SHC4: variants seen among roughly 807,000 people sequenced by gnomAD.
SHC4 encodes SHC-transforming protein 4.
SHC4 carries 41 observed loss-of-function variants against 69.4 expected under a neutral mutation model. That is an observed-to-expected ratio of 0.59 (90% CI 0.46 to 0.77). The LOEUF (loss-of-function observed/expected upper bound fraction) is 0.77, where lower values mean the gene tolerates loss of function less well. SHC4 is among the 30% of genes least tolerant of loss of function. SHC4 has a pLI of 0.00. For missense variants in SHC4, 777 were observed against 783.8 expected, an observed-to-expected ratio of 0.99 and a Z score of 0.10; for synonymous variants, 318 against 299.3, an observed-to-expected ratio of 1.06 and a Z score of -0.64.
chr15:48,946,052 A>C (rs2141036885), intron 1 of SHC4: 1 of 152,326 alleles, frequency 6.6e-6, no homozygotes, highest in Admixed American at 6.5e-5. Context: ...TAAAGGGAGA[A>C]GCTTCAATTA....
At chr15:48,912,085 A>T (rs1446295846) in intron 2 of SHC4, among the ~76,000 whole-genome samples, 1 of 152,156 alleles carries the variant, frequency 6.6e-6, no homozygotes, top group East Asian at 1.9e-4. Flanking sequence ...TTTTGTGATT[A>T]ATTTCCCAGG....
intron 4 of SHC4, chr15:48,879,676 C>T (rs1179300519): frequency 1.8e-5 from 3 of 167,088 alleles, no homozygotes; most frequent in Admixed American, 1.3e-4. Context: ...ATTCTATCAA[C>T]TTTTAAAGGT....
chr15:48,926,954 C>T (rs1900864512), intron 1 of SHC4, among the ~76,000 whole-genome samples: 1 of 152,170 alleles, frequency 6.6e-6, no homozygotes, highest in Non-Finnish European at 1.5e-5. Context: ...GGATATTTTA[C>T]TCTGTCCCCA....
intron 1 of SHC4, among the ~76,000 whole-genome samples, chr15:48,956,004 A>G (rs1247732535): frequency 6.6e-6 from 1 of 152,196 alleles, no homozygotes; most frequent in Non-Finnish European, 1.5e-5. Flanking sequence ...TCTAGTGTCC[A>G]GGGGCATGAA....
intron 8 of SHC4, among the ~76,000 whole-genome samples, chr15:48,854,243 A>G (rs1448665198): frequency 6.6e-6 from 1 of 152,240 alleles, no homozygotes; most frequent in Non-Finnish European, 1.5e-5. Flanking sequence ...ATCATCAGAG[A>G]AGTGCAAATC....
rs1899340665 is a variant in SHC4, at chr15:48,857,362, T to C, written c.1070+330A>G. On this transcript the variant is annotated intron_variant, in intron 7 of 11. Transcript: ENST00000332408. Reference sequence around the variant, plus strand: ...GGGGTTGAAACAAATCTGAGAAGTTTATTGATGTTTATTATTTTGATTTCA... The same window carrying C: ...GGGGTTGAAACAAATCTGAGAAGTTCATTGATGTTTATTATTTTGATTTCA... Among the ~76,000 whole-genome samples, 6 of 152,256 alleles carry C rather than the reference T, an allele frequency of 3.9e-5. No individual in the cohort carries two copies. The South Asian group carries it at 1.0e-3, about 26-fold the overall frequency.
At chr15:48,828,093 A>ACG (rs1898722065) in intron 11 of SHC4, among the ~76,000 whole-genome samples, 4 of 148,642 alleles carry the variant, frequency 2.7e-5, no homozygotes, top group Non-Finnish European at 5.9e-5. Context: ...ATATGTATGT[A>ACG]TGTGTGTGTG....
At chr15:48,902,653 C>A (rs1487109711) in intron 2 of SHC4, among the ~76,000 whole-genome samples, 2 of 152,082 alleles carry the variant, frequency 1.3e-5, no homozygotes, top group African/African-American at 4.8e-5. Context: ...TCCCCAGCAG[C>A]AGCAGGCATC....
chr15:48,835,999 G>A, intron 10 of SHC4, among the ~76,000 whole-genome samples: 1 of 89,842 alleles, frequency 1.1e-5, no homozygotes, highest in Non-Finnish European at 2.0e-5. Flanking sequence ...GAAACATGAT[G>A]AAATCCTGTC....
chr15:48,859,323 G>A (rs1253323055), intron 6 of SHC4, among the ~76,000 whole-genome samples: 1 of 151,754 alleles, frequency 6.6e-6, no homozygotes, highest in Non-Finnish European at 1.5e-5. Flanking sequence ...GTGTGTGTGT[G>A]TGTGTGTGTG....
intron 4 of SHC4, chr15:48,879,731 T>C (rs780624944): frequency 1.2e-5 from 2 of 167,118 alleles, no homozygotes; most frequent in Non-Finnish European, 2.9e-5. Context: ...AGTTTCCCTC[T>C]GTCTCCTCCT....
At chr15:48,831,912 C>A (rs1898810285) in intron 11 of SHC4, among the ~76,000 whole-genome samples, 1 of 152,190 alleles carries the variant, frequency 6.6e-6, no homozygotes, top group Non-Finnish European at 1.5e-5. Flanking sequence ...AAAGGCAGAT[C>A]TAGTGCTAAC....
At chr15:48,918,560 G>A (rs943777285) in intron 2 of SHC4, among the ~76,000 whole-genome samples, 3 of 141,766 alleles carry the variant, frequency 2.1e-5, no homozygotes, top group African/African-American at 4.9e-5. Context: ...CTATTGAATC[G>A]TTTCCATTTT....
chr15:48,848,238 T>C (rs1303320741), intron 9 of SHC4, among the ~76,000 whole-genome samples: 3 of 152,128 alleles, frequency 2.0e-5, no homozygotes, highest in South Asian at 2.1e-4. Flanking sequence ...TTTGGAGAGA[T>C]AGCCTCTGAG....
chr15:48,927,714 T>C (rs1157049205), intron 1 of SHC4, among the ~76,000 whole-genome samples: 3 of 152,122 alleles, frequency 2.0e-5, no homozygotes, highest in Non-Finnish European at 2.9e-5. Flanking sequence ...ACCCCAGCTC[T>C]TCCCTGCACT....
intron 10 of SHC4, among the ~76,000 whole-genome samples, chr15:48,840,274 T>G (rs1898967638): frequency 6.6e-6 from 1 of 152,200 alleles, no homozygotes; most frequent in Non-Finnish European, 1.5e-5. Flanking sequence ...TTATGGCAAC[T>G]GAGACAGAAA....
intron 3 of SHC4, among the ~76,000 whole-genome samples, chr15:48,888,977 A>C (rs1241903289): frequency 6.6e-6 from 1 of 152,124 alleles, no homozygotes; most frequent in African/African-American, 2.4e-5. Context: ...AAAAAAGCCT[A>C]AAGTGCTGGA....
chr15:48,955,147 A>C (rs773016031), intron 1 of SHC4, among the ~76,000 whole-genome samples: 4 of 152,186 alleles, frequency 2.6e-5, no homozygotes, highest in Non-Finnish European at 5.9e-5. Flanking sequence ...GCGTAAAAGA[A>C]AGACATCCCA....
intron 1 of SHC4, among the ~76,000 whole-genome samples, chr15:48,944,798 C>T (rs1269608625): frequency 2.0e-5 from 3 of 152,292 alleles, no homozygotes; most frequent in Non-Finnish European, 2.9e-5. Flanking sequence ...GTTTCTTACT[C>T]GAATCAGTTC....
Sources: allele counts gnomAD v4.1 joint callset (sites outside exome capture counted in the v4.1 genomes callset), GRCh38; gene constraint gnomAD v4.1.1; transcripts MANE v1.5; gene names NCBI Gene and HGNC (gene_info 2026-07-23, HGNC 2026-07-21).